Variants in RBFOX1 observed in about 807,000 individuals in gnomAD.
The protein encoded by RBFOX1 is RNA binding protein fox-1 homolog 1.
In RBFOX1, 8 loss-of-function variants were observed where a neutral mutation model predicts 57.7. The ratio of observed to expected loss-of-function variants is 0.14; its 90% CI spans 0.08 to 0.25. RBFOX1 has a LOEUF of 0.25. Among genes scored for constraint, RBFOX1 ranks in the 10% least tolerant of loss-of-function variants. RBFOX1 has a pLI of 1.00. For synonymous variants in RBFOX1, 326 were observed against 222.4 expected (o/e 1.47, Z -4.15); for missense variants, 611 against 548.5 (o/e 1.11, Z -1.14).
chr16:6,934,877 G>A (rs1017634149), intron 3 of RBFOX1, among the ~76,000 whole-genome samples: 1 of 152,088 alleles, frequency 6.6e-6, no homozygotes, highest in African/African-American at 2.4e-5. Flanking sequence ...CTTGAGCTCA[G>A]GAGTTTGAGA....
intron 3 of RBFOX1, among the ~76,000 whole-genome samples, chr16:7,043,911 A>G (rs949485202): frequency 1.3e-5 from 2 of 152,238 alleles, no homozygotes; most frequent in African/African-American, 4.8e-5. Flanking sequence ...ACCTGGATAC[A>G]TTGTCTAAAA....
chr16:7,101,019 C>T (rs1307892974), intron 4 of RBFOX1, among the ~76,000 whole-genome samples: 1 of 152,076 alleles, frequency 6.6e-6, no homozygotes, highest in African/African-American at 2.4e-5. Context: ...ATGTTGCATA[C>T]AAGGATATAT....
intron 3 of RBFOX1, among the ~76,000 whole-genome samples, chr16:5,694,413 G>C (rs1052609503): frequency 1.3e-5 from 2 of 152,204 alleles, no homozygotes; most frequent in African/African-American, 4.8e-5. Flanking sequence ...TTTCCTGAGT[G>C]ATTTCGGTTC....
intron 1 of RBFOX1, among the ~76,000 whole-genome samples, chr16:5,465,057 A>G (rs562339942): frequency 1.6e-4 from 24 of 152,270 alleles, no homozygotes; most frequent in African/African-American, 5.8e-4. Flanking sequence ...GAGAAAAGCC[A>G]TATCTGCCTG....
intron 2 of RBFOX1, among the ~76,000 whole-genome samples, chr16:6,598,389 G>T (rs2097800373): frequency 6.6e-6 from 1 of 152,166 alleles, no homozygotes; most frequent in Non-Finnish European, 1.5e-5. Context: ...TTAGGTAGAT[G>T]TGAATTGATT....
chr16:5,659,852 G>A (rs750490259), intron 3 of RBFOX1, among the ~76,000 whole-genome samples: 26 of 152,112 alleles, frequency 1.7e-4, no homozygotes, highest in Non-Finnish European at 3.4e-4. Context: ...AGTTGTTGCA[G>A]GTATCCCCAA....
intron 4 of RBFOX1, among the ~76,000 whole-genome samples, chr16:7,293,634 T>C (rs1190403483): frequency 6.6e-6 from 1 of 152,254 alleles, no homozygotes; most frequent in East Asian, 1.9e-4. Flanking sequence ...TAACCGTGAA[T>C]TGCAATTTGG....
chr16:7,444,786 C>G (rs749049631), intron 4 of RBFOX1, among the ~76,000 whole-genome samples: 2 of 152,282 alleles, frequency 1.3e-5, no homozygotes, highest in Non-Finnish European at 1.5e-5. Context: ...CCCACCTCAG[C>G]CTTCCAAAGT....
chr16:7,002,179 C>T (rs549026483), intron 3 of RBFOX1, among the ~76,000 whole-genome samples: 1 of 152,204 alleles, frequency 6.6e-6, no homozygotes, highest in South Asian at 2.1e-4. Context: ...AGTGTACTGA[C>T]ATGCAATCTA....
chr16:7,189,736 G>T (rs778488230), intron 4 of RBFOX1, among the ~76,000 whole-genome samples: 2 of 152,184 alleles, frequency 1.3e-5, no homozygotes, highest in Non-Finnish European at 2.9e-5. Flanking sequence ...CAGTTCCCGT[G>T]GTTCCCACAG....
intron 4 of RBFOX1, among the ~76,000 whole-genome samples, chr16:7,094,795 G>GTGTGTGTGTGTGT (rs1567232876): frequency 1.2e-5 from 1 of 82,234 alleles, no homozygotes; most frequent in Non-Finnish European, 3.3e-5. Context: ...TGTGTGTTGA[G>GTGTGTGTGTGTGT]AGAGAGAGAG....
At chr16:7,708,912 A>G (rs2083373254) in intron 14 of RBFOX1, 144 bp from the exon 15 acceptor site, 5 of 686,708 alleles carry the variant, frequency 7.3e-6, no homozygotes, top group Non-Finnish European at 1.0e-5. Flanking sequence ...AACTCTTCTT[A>G]TACTACACAG....
At chr16:6,954,854 G>C (rs1176154866) in intron 3 of RBFOX1, among the ~76,000 whole-genome samples, 1 of 152,124 alleles carries the variant, frequency 6.6e-6, no homozygotes, top group East Asian at 1.9e-4. Context: ...CCTTGGGCAA[G>C]TTGCCTTTTT....
chr16:7,055,264 G>C (rs2051746841), intron 4 of RBFOX1, among the ~76,000 whole-genome samples: 3 of 152,178 alleles, frequency 2.0e-5, no homozygotes, highest in South Asian at 2.1e-4. Flanking sequence ...TTTGTTTATA[G>C]AACATACTCT....
chr16:5,582,797 T>G (rs2151162151), intron 2 of RBFOX1, among the ~76,000 whole-genome samples: 1 of 152,148 alleles, frequency 6.6e-6, no homozygotes, highest in African/African-American at 2.4e-5. Context: ...GAGGAGGTGG[T>G]TATCAGTTCA....
intron 2 of RBFOX1, among the ~76,000 whole-genome samples, chr16:5,564,197 T>C (rs1026676683): frequency 6.6e-6 from 1 of 151,852 alleles, no homozygotes; most frequent in Non-Finnish European, 1.5e-5. Context: ...TTTTTTTTTT[T>C]AGTAGGGACA....
chr16:6,265,199 T>A (rs1275767012), intron 1 of RBFOX1, among the ~76,000 whole-genome samples: 1 of 152,204 alleles, frequency 6.6e-6, no homozygotes, highest in African/African-American at 2.4e-5. Flanking sequence ...CGTGTTTGTC[T>A]GGTTACCCTC....
intron 4 of RBFOX1, among the ~76,000 whole-genome samples, chr16:5,914,941 AG>A (rs1460042474): frequency 6.6e-6 from 1 of 152,136 alleles, no homozygotes; most frequent in African/African-American, 2.4e-5. Flanking sequence ...TCTATGACAA[AG>A]GGTTCACCAG....
chr16:7,691,810 C>G (rs1430315968), intron 14 of RBFOX1, among the ~76,000 whole-genome samples: 1 of 152,146 alleles, frequency 6.6e-6, no homozygotes, highest in Non-Finnish European at 1.5e-5. Flanking sequence ...AGAGCTGCCC[C>G]ACCCTCCTGC....
Sources: allele counts gnomAD v4.1 joint callset (sites outside exome capture counted in the v4.1 genomes callset), GRCh38; gene constraint gnomAD v4.1.1; transcripts MANE v1.5; gene names NCBI Gene and HGNC (gene_info 2026-07-23, HGNC 2026-07-21).